ACO2: variants seen among roughly 807,000 people sequenced by gnomAD.
The protein encoded by ACO2 is aconitase 2.
A neutral mutation model predicts 84.5 loss-of-function variants in ACO2; 31 were observed. The observed-to-expected ratio is 0.37, with a 90% CI of 0.28 to 0.50. The LOEUF (loss-of-function observed/expected upper bound fraction) is 0.50. Among genes scored for constraint, ACO2 ranks in the 20% least tolerant of loss-of-function variants. The pLI, the probability that ACO2 is intolerant of heterozygous loss-of-function variation, is 0.97. For synonymous variants in ACO2, 414 were observed against 412.7 expected (o/e 1.00, Z -0.04); for missense variants, 685 against 1,029.3 (o/e 0.67, Z 4.58).
chr22:41,521,779 T>C (rs892013824), intron 9 of ACO2, among the ~76,000 whole-genome samples: 1 of 141,900 alleles, frequency 7.0e-6, no homozygotes, highest in East Asian at 2.0e-4. Context: ...ATCCCAACCC[T>C]TTTTTTTTTT....
rs767195825 is a variant in ACO2 at position 41,469,177 on chromosome 22, C to T, written c.31C>T (p.Leu11=). ...GCCCTACAGCCTACTGGTGACTCGGCTGCAGGTGAGCGAGCTCAGGGACCT... is the reference window on the plus strand; with the variant it reads ...GCCCTACAGCCTACTGGTGACTCGGTTGCAGGTGAGCGAGCTCAGGGACCT... MAPYSLLVTR[L]QKALGVRQYH... Residue 11 remains leucine, a synonymous_variant, in exon 1 of 18, where the codon CTG becomes TTG. Coordinates refer to ENST00000216254, the MANE Select transcript of ACO2 (RefSeq NM_001098.3). 6 of 1,607,934 alleles carry T rather than the reference C, an allele frequency of 3.7e-6. No individual in the cohort carries two copies. Among genetic ancestry groups the T allele is most frequent in the Non-Finnish European group, 4.2e-6 (5 of 1,177,038 alleles).
At chr22:41,502,426 A>G (rs941980005) in intron 2 of ACO2, among the ~76,000 whole-genome samples, 1 of 152,186 alleles carries the variant, frequency 6.6e-6, no homozygotes, top group African/African-American at 2.4e-5. Context: ...AGCAGGTCCC[A>G]TAGTGCAGTC....
intron 9 of ACO2, among the ~76,000 whole-genome samples, chr22:41,520,897 A>G (rs923857816): frequency 2.0e-5 from 3 of 151,456 alleles, no homozygotes; most frequent in African/African-American, 7.3e-5. Flanking sequence ...AGTCCTAGCT[A>G]CTCAGGAGGC....
chr22:41,510,027 G>C (rs985905001), intron 3 of ACO2, among the ~76,000 whole-genome samples: 1 of 151,922 alleles, frequency 6.6e-6, no homozygotes, highest in Non-Finnish European at 1.5e-5. Context: ...CTAGAGACAG[G>C]GTTTCACCAC....
chr22:41,497,067 T>C (rs1057228161), intron 1 of ACO2, among the ~76,000 whole-genome samples: 1 of 151,870 alleles, frequency 6.6e-6, no homozygotes, highest in African/African-American at 2.4e-5. Flanking sequence ...TGCTGTCATT[T>C]CTTTTTTCTT....
Position 41,528,521 on chromosome 22 carries a change from A to C in ACO2, c.2251A>C (p.Thr751Pro). Reference protein sequence around the residue: ...IIKHPNGTQETILLNHTFNET... With the variant: ...IIKHPNGTQEPILLNHTFNET... Reference sequence around the variant, plus strand: ...CAAGCACCCCAACGGGACCCAGGAGACCATCCTCCTGAACCACACCTTCAA... The same window carrying C: ...CAAGCACCCCAACGGGACCCAGGAGCCCATCCTCCTGAACCACACCTTCAA... The change falls in exon 18 of 18, where the codon ACC (threonine) becomes CCC (proline). Residue 751 changes from threonine (T) to proline (P), a missense_variant. Coordinates refer to ENST00000216254, the MANE Select transcript of ACO2 (RefSeq NM_001098.3). 1 of 1,612,734 alleles carries C rather than the reference A, an allele frequency of 6.2e-7. No homozygotes were observed. Among genetic ancestry groups the C allele is most frequent in the Non-Finnish European group, 8.5e-7 (1 of 1,179,978 alleles).
chr22:41,518,948 A>C (rs1259584356), intron 8 of ACO2, among the ~76,000 whole-genome samples: 1 of 152,172 alleles, frequency 6.6e-6, no homozygotes, highest in Admixed American at 6.5e-5. Context: ...TGTCTCAAAA[A>C]CAAAACAAGA....
chr22:41,515,642 G>T lies in ACO2; in HGVS notation c.684+107G>T, dbSNP rs536005046. On this transcript the variant is annotated intron_variant, in intron 5 of 17. Coordinates refer to ENST00000216254, the MANE Select transcript of ACO2 (RefSeq NM_001098.3). This position sits in a 1 kb window ranked among gnomAD's most constrained non-coding sequence, Gnocchi z 5.8. The stretch of plus-strand genomic sequence containing the variant: ...AGGGAAAAGGGAACAAGTTAGACTC[G>T]AATCTTCTGGGAGGGAGGTAGAGAC... 14 of 1,583,156 alleles carry T rather than the reference G, an allele frequency of 8.8e-6. No homozygotes were observed. In the African/African-American group the frequency reaches 1.7e-4, roughly 20 times the overall value.
chr22:41,487,376 A>G (rs1014465994), intron 1 of ACO2, among the ~76,000 whole-genome samples: 3 of 152,156 alleles, frequency 2.0e-5, no homozygotes, highest in African/African-American at 7.2e-5. Context: ...ACTTTTTATC[A>G]CAGCACTTCT....
intron 1 of ACO2, among the ~76,000 whole-genome samples, chr22:41,484,225 G>A (rs915384772): frequency 6.6e-6 from 1 of 152,164 alleles, no homozygotes; most frequent in East Asian, 1.9e-4. Flanking sequence ...ATAAAGATTA[G>A]TATTATCAGG....
rs781047139 is a variant in ACO2 at position 41,525,152 on chromosome 22, T to C, written c.1606-41T>C. On this transcript the variant is annotated intron_variant, in intron 13 of 17. Transcript: ENST00000216254. ...TCTGAGAGTCTGTCCTTGTGGGAAC[T>C]GAGGACTCAGCACCCCACGCATCCC... 9 of 1,607,682 alleles carry C rather than the reference T, an allele frequency of 5.6e-6. No homozygotes were observed. The East Asian group carries it at 6.7e-5, about 12-fold the overall frequency.
chr22:41,515,188 C>T lies in ACO2; in HGVS notation c.526-189C>T, dbSNP rs940384833. 1.3e-5 allele frequency among the ~76,000 whole-genome samples: 2 copies of T among 152,188 alleles called. No homozygotes were observed. Among genetic ancestry groups the T allele is most frequent in the African/African-American group, 4.8e-5 (2 of 41,454 alleles). The stretch of plus-strand genomic sequence containing the variant: ...ATCAGAGCTATTCAAGAGCCCAGGC[C>T]ACCTGTCTCCCAAGGCTCTGGCTCT... On this transcript the variant is annotated intron_variant, in intron 4 of 17. Transcript: ENST00000216254. The surrounding 1 kb of genome is among the most constrained non-coding windows in gnomAD (Gnocchi z 5.8).
In ACO2 at chr22:41,507,863, T is replaced by C. The variant is rs1427742605; in HGVS notation, c.246T>C (p.Ile82=). 2 of 1,614,182 alleles carry C rather than the reference T, an allele frequency of 1.2e-6. No homozygotes were observed. Among genetic ancestry groups the C allele is most frequent in the Non-Finnish European group, 1.7e-6 (2 of 1,180,032 alleles). The change falls in exon 3 of 18, where the codon ATT becomes ATC. Residue 82 remains isoleucine, a synonymous_variant. Transcript: ENST00000216254. ...GHLDDPASQE[I]ERGKSYLRLR... ...TGGATGACCCCGCCAGCCAGGAAAT[T>C]GAGCGAGGCAAGTCGTACCTGCGGC...
chr22:41,490,566 G>A (rs781472515), intron 1 of ACO2, among the ~76,000 whole-genome samples: 7 of 152,214 alleles, frequency 4.6e-5, no homozygotes, highest in Non-Finnish European at 1.0e-4. Context: ...ACCTTTGCCT[G>A]TCTCTCTGCT....
At chr22:41,513,777 T>C (rs989310297) in intron 4 of ACO2, among the ~76,000 whole-genome samples, 1 of 152,186 alleles carries the variant, frequency 6.6e-6, no homozygotes, top group Non-Finnish European at 1.5e-5. Flanking sequence ...AATTTCCAGG[T>C]GTAGTTCTAG....
intron 2 of ACO2, among the ~76,000 whole-genome samples, chr22:41,506,397 C>T (rs914195538): frequency 1.3e-5 from 2 of 152,224 alleles, no homozygotes; most frequent in East Asian, 1.9e-4. Context: ...GGACTACAGG[C>T]GCCCGCCACC....
intron 3 of ACO2, among the ~76,000 whole-genome samples, chr22:41,510,132 G>A (rs567498065): frequency 6.6e-6 from 1 of 152,052 alleles, no homozygotes; most frequent in Non-Finnish European, 1.5e-5. Context: ...CACCACGCCC[G>A]GCCTAGAATG....
At position 41,523,889 on chromosome 22, in the gene ACO2, C is replaced by T. The variant is rs201332324; in HGVS notation, c.1430C>T (p.Thr477Met). ...GTCACCTCCTACAACAGGAACTTCA[C>T]GGGCCGCAACGACGCAAACCCCGAG... ...TIVTSYNRNFTGRNDANPETH... is the reference protein window; with the variant it reads ...TIVTSYNRNFMGRNDANPETH... The change falls in exon 12 of 18, where the codon ACG becomes ATG. Residue 477 changes from threonine (T) to methionine (M), a missense_variant. Coordinates refer to ENST00000216254, the MANE Select transcript of ACO2 (RefSeq NM_001098.3). 20 of 1,612,506 alleles carry T rather than the reference C, an allele frequency of 1.2e-5. No individual in the cohort carries two copies. Among genetic ancestry groups the T allele is most frequent in the East Asian group, 4.5e-5 (2 of 44,870 alleles).
Position 41,525,307 on chromosome 22 carries a change from T to A in ACO2, c.1720T>A (p.Trp574Arg). The change falls in exon 14 of 18, where the codon TGG becomes AGG. Residue 574 changes from tryptophan to arginine, a missense_variant. This residue lies in a region of ACO2 where 10 missense variants were observed against 39.7 expected (regional missense o/e 0.25). Transcript: ENST00000216254. Reference sequence around the variant, plus strand: ...GCAGCTCCTGGAGCCTTTTGACAAGTGGGATGGCAAGGACCTGGAGGACCT... The same window carrying A: ...GCAGCTCCTGGAGCCTTTTGACAAGAGGGATGGCAAGGACCTGGAGGACCT... ...RLQLLEPFDK[W>R]DGKDLEDLQI... is the part of the protein sequence containing the mutation. 1 of 1,613,876 alleles carries A rather than the reference T, an allele frequency of 6.2e-7. No homozygotes were observed.
Sources: allele counts gnomAD v4.1 joint callset (sites outside exome capture counted in the v4.1 genomes callset), GRCh38; gene constraint gnomAD v4.1.1; regional missense constraint gnomAD v4.1.1; non-coding constraint Gnocchi (gnomAD v3.1); transcripts MANE v1.5; gene names NCBI Gene and HGNC (gene_info 2026-07-23, HGNC 2026-07-21).